The following TENM4 variants were observed in gnomAD, a reference collection of about 807,000 sequenced individuals.
TENM4 encodes the protein teneurin-4.
Under a neutral mutation model 243.3 loss-of-function variants are expected in TENM4, and 82 were observed. The ratio of observed to expected loss-of-function variants is 0.34; its 90% CI spans 0.28 to 0.40. The LOEUF (loss-of-function observed/expected upper bound fraction) is 0.40, where lower values mean the gene tolerates loss of function less well. Ranked by LOEUF, TENM4 falls within the 10% of genes least tolerant of loss-of-function variation. The pLI, the probability that TENM4 is intolerant of heterozygous loss-of-function variation, is 1.00. For synonymous variants in TENM4, 1,412 were observed against 1,456.3 expected (o/e 0.97, Z 0.69); for missense variants, 3,138 against 3,673.3 (o/e 0.85, Z 3.77).
At chr11:78,768,020 T>C (rs568291216) in intron 18 of TENM4, among the ~76,000 whole-genome samples, 1 of 152,368 alleles carries the variant, frequency 6.6e-6, no homozygotes, top group African/African-American at 2.4e-5. Flanking sequence ...TGGTTTACTC[T>C]TGTGCTCCTT....
At chr11:79,124,678 T>C (rs1267814786) in intron 4 of TENM4, among the ~76,000 whole-genome samples, 3 of 142,560 alleles carry the variant, frequency 2.1e-5, no homozygotes, top group African/African-American at 7.7e-5. Context: ...TGTGTGTGTA[T>C]ACATACATAT....
intron 2 of TENM4, among the ~76,000 whole-genome samples, chr11:79,264,761 A>G (rs1855855760): frequency 6.6e-6 from 1 of 152,258 alleles, no homozygotes; most frequent in South Asian, 2.1e-4. Context: ...CAATGGAATC[A>G]GAATCTCCGA....
chr11:78,984,874 G>T (rs1008882658), intron 6 of TENM4, among the ~76,000 whole-genome samples: 1 of 152,014 alleles, frequency 6.6e-6, no homozygotes, highest in African/African-American at 2.4e-5. Context: ...CATTTCAAGC[G>T]ATCAGTGGTT....
intron 4 of TENM4, among the ~76,000 whole-genome samples, chr11:79,103,218 C>T (rs994198955): frequency 1.3e-5 from 2 of 152,144 alleles, no homozygotes; most frequent in East Asian, 1.9e-4. Context: ...GGTGGGGATG[C>T]CCCCTTGGAT....
chr11:79,396,446 C>A (rs1227146168), intron 1 of TENM4, among the ~76,000 whole-genome samples: 1 of 152,138 alleles, frequency 6.6e-6, no homozygotes, highest in Non-Finnish European at 1.5e-5. Flanking sequence ...AGGGTTCAGT[C>A]CCTCCTAAAA....
intron 24 of TENM4, among the ~76,000 whole-genome samples, chr11:78,720,896 A>G (rs1859633404): frequency 6.6e-6 from 1 of 152,208 alleles, no homozygotes; most frequent in African/African-American, 2.4e-5. Flanking sequence ...AGGCCTAGGA[A>G]AAAAAGACTG....
intron 6 of TENM4, among the ~76,000 whole-genome samples, chr11:78,957,330 C>T (rs1236268487): frequency 1.3e-5 from 2 of 152,136 alleles, no homozygotes; most frequent in Non-Finnish European, 2.9e-5. Flanking sequence ...ACAACAAAAT[C>T]CCAGGCTCCA....
At chr11:79,182,036 C>T (rs1257027004) in intron 3 of TENM4, among the ~76,000 whole-genome samples, 1 of 151,548 alleles carries the variant, frequency 6.6e-6, no homozygotes, top group Admixed American at 6.6e-5. Flanking sequence ...TATCTATAGA[C>T]TCAATGCAAT....
At chr11:79,232,767 G>T (rs1565261161) in intron 2 of TENM4, among the ~76,000 whole-genome samples, 1 of 152,248 alleles carries the variant, frequency 6.6e-6, no homozygotes, top group Non-Finnish European at 1.5e-5. Flanking sequence ...TGTTTGGATA[G>T]ATCCTCAGTC....
At chr11:78,997,312 A>T (rs1370738330) in intron 6 of TENM4, among the ~76,000 whole-genome samples, 1 of 152,206 alleles carries the variant, frequency 6.6e-6, no homozygotes, top group African/African-American at 2.4e-5. Flanking sequence ...GGCAAATCCC[A>T]TCAGTCTCCA....
intron 6 of TENM4, among the ~76,000 whole-genome samples, chr11:79,007,093 C>T (rs983257769): frequency 6.6e-6 from 1 of 152,132 alleles, no homozygotes; most frequent in Non-Finnish European, 1.5e-5. Context: ...AGCTTGCCAG[C>T]CTACCCTGCA....
At position 78,670,088 on chromosome 11, in the gene TENM4, T is replaced by C; in HGVS notation, c.6257A>G (p.Asp2086Gly). Residue 2086 changes from aspartate (D) to glycine (G), a missense_variant, in exon 32 of 34, where the codon GAC becomes GGC. Asp to Gly is a moderately conservative substitution (Grantham distance 94, BLOSUM62 -1). Coordinates refer to ENST00000278550, the MANE Select transcript of TENM4 (RefSeq NM_001098816.3). The stretch of plus-strand genomic sequence containing the variant: ...CATGCTGGTCACCCGGAAGCTGTTG[T>C]CATAGTTGTAGTCAAAACGGGCGTT... ...MVNARFDYNY[D>G]NSFRVTSMQA... 3.1e-6 allele frequency: 5 copies of C among 1,613,962 alleles called. No individual in the cohort carries two copies. Among genetic ancestry groups the C allele is most frequent in the Non-Finnish European group, 4.2e-6 (5 of 1,179,894 alleles).
At chr11:78,801,410 A>T (rs941442701) in intron 15 of TENM4, among the ~76,000 whole-genome samples, 1 of 152,216 alleles carries the variant, frequency 6.6e-6, no homozygotes, top group African/African-American at 2.4e-5. Flanking sequence ...GTGATTTATC[A>T]GGAAGGAAGA....
chr11:79,143,762 C>G (rs1862340797), intron 4 of TENM4, among the ~76,000 whole-genome samples: 1 of 151,694 alleles, frequency 6.6e-6, no homozygotes, highest in African/African-American at 2.4e-5. Context: ...AAGAATGAAA[C>G]TAGATCCCTA....
intron 4 of TENM4, among the ~76,000 whole-genome samples, chr11:79,116,291 C>A (rs1048956194): frequency 2.0e-5 from 3 of 152,164 alleles, no homozygotes; most frequent in African/African-American, 7.2e-5. Context: ...GCCCACTTCA[C>A]AGATGAAGAA....
chr11:78,790,500 C>G (rs2136047681), intron 15 of TENM4, among the ~76,000 whole-genome samples: 1 of 152,326 alleles, frequency 6.6e-6, no homozygotes, highest in African/African-American at 2.4e-5. Context: ...GCAAAGCACT[C>G]TTCATGGACA....
At chr11:78,942,646 G>T (rs181433203) in intron 6 of TENM4, among the ~76,000 whole-genome samples, 1 of 152,198 alleles carries the variant, frequency 6.6e-6, no homozygotes, top group Admixed American at 6.5e-5. Flanking sequence ...AGCTCTGTGG[G>T]CAACACGAGA....
chr11:78,902,672 C>T (rs1855957850), intron 7 of TENM4, among the ~76,000 whole-genome samples: 2 of 152,242 alleles, frequency 1.3e-5, no homozygotes, highest in South Asian at 4.1e-4. Flanking sequence ...TAATGTCACA[C>T]ACAGGAAAGC....
intron 4 of TENM4, among the ~76,000 whole-genome samples, chr11:79,072,584 A>T (rs1860442980): frequency 6.6e-6 from 1 of 152,190 alleles, no homozygotes; most frequent in East Asian, 1.9e-4. Context: ...GAAACAAAAG[A>T]TTCACAAAAG....
Sources: allele counts gnomAD v4.1 joint callset (sites outside exome capture counted in the v4.1 genomes callset), GRCh38; gene constraint gnomAD v4.1.1; transcripts MANE v1.5; gene names NCBI Gene and HGNC (gene_info 2026-07-23, HGNC 2026-07-21).